Variants in ZDHHC24 observed in about 807,000 individuals in gnomAD.
The protein encoded by ZDHHC24 is zDHHC palmitoyltransferase 24.
In ZDHHC24, 17 loss-of-function variants were observed where a neutral mutation model predicts 23.2. The observed-to-expected ratio is 0.73, with a 90% CI of 0.50 to 1.10. The LOEUF is 1.10. Ranked by LOEUF, ZDHHC24 falls within the 50% of genes least tolerant of loss-of-function variation. The pLI is 0.00. For missense variants in ZDHHC24, 366 were observed against 393.0 expected, an observed-to-expected ratio of 0.93 and a Z score of 0.58; for synonymous variants, 186 against 194.5, an observed-to-expected ratio of 0.96 and a Z score of 0.36.
At chr11:66,525,982 G>C (rs1856471128) in intron 4 of ZDHHC24, 1 of 729,982 alleles carries the variant, frequency 1.4e-6, no homozygotes, top group African/African-American at 1.7e-5. Flanking sequence ...AGAAATATAG[G>C]AAATATTTCA....
At chr11:66,526,254 T>C (rs1856485743) in intron 4 of ZDHHC24, 6 of 1,511,652 alleles carry the variant, frequency 4.0e-6, no homozygotes, top group Non-Finnish European at 5.5e-6. Flanking sequence ...GGCCTGCTTC[T>C]GGGGAAAGAG....
At position 66,536,878 on chromosome 11, in the gene ZDHHC24, A is replaced by G. The variant is rs1402875050; in HGVS notation, c.*2651T>C. ...AACAAGAGTGAAACTCTGTCTCAAAAAATAAAAAGAGAAAGAAAGAAAATA... is the reference window on the plus strand; with the variant it reads ...AACAAGAGTGAAACTCTGTCTCAAAGAATAAAAAGAGAAAGAAAGAAAATA... On this transcript the variant is annotated 3_prime_UTR_variant, in exon 3 of 3. Transcript: ENST00000310442. 1 of 152,056 alleles carries G rather than the reference A, an allele frequency of 6.6e-6. No individual in the cohort carries two copies. Among genetic ancestry groups the G allele is most frequent in the Non-Finnish European group, 1.5e-5 (1 of 68,018 alleles). 9.4% of individuals were successfully genotyped at this position (152,056 alleles called of 1,614,324 possible). A position where few individuals can be genotyped will look rare whatever the true frequency, so the allele number is the denominator to read the frequency against.
In ZDHHC24 at chr11:66,545,610, A is replaced by C; in HGVS notation, c.281+113T>G. 8 of 1,256,202 alleles carry C rather than the reference A, an allele frequency of 6.4e-6. No homozygotes were observed. The highest frequency in any genetic ancestry group is 8.4e-6 in the Non-Finnish European group (8 of 952,518). The allele number at this position is 1,256,202 out of a possible 1,614,324, so 77.8% of individuals were successfully genotyped here. On this transcript the variant is annotated intron_variant, in intron 1 of 2. Coordinates refer to ENST00000310442, the MANE Select transcript of ZDHHC24 (RefSeq NM_207340.3). This position sits in a 1 kb window ranked among gnomAD's most constrained non-coding sequence, Gnocchi z 4.5. ...ATCCCAGGTTCTAAAAAAATGTCTG[A>C]TTCTAACAACCTGGATCCTAATGTA...
At chr11:66,530,801 T>G, downstream of ZDHHC24, 1 of 1,550,088 alleles carries the variant, frequency 6.5e-7, no homozygotes, top group Non-Finnish European at 8.9e-7. Flanking sequence ...GGAGGGGACA[T>G]GAGGGCATTG....
chr11:66,531,998 C>A (rs61890368), downstream of ZDHHC24: 10 of 1,608,078 alleles, frequency 6.2e-6, no homozygotes, highest in Non-Finnish European at 6.8e-6. Flanking sequence ...TGAGTGCCCA[C>A]GTCAACATGC....
chr11:66,532,177 C>T (rs928262271), downstream of ZDHHC24: 2 of 889,634 alleles, frequency 2.2e-6, no homozygotes, highest in African/African-American at 3.3e-5. Context: ...GCTTCCTCAC[C>T]ACCCCCACTG....
chr11:66,529,766 C>T, intron 2 of ZDHHC24: 3 of 1,604,830 alleles, frequency 1.9e-6, no homozygotes, highest in African/African-American at 2.7e-5. Flanking sequence ...GTTGCTGCCT[C>T]CTCCCTGCCA....
At chr11:66,526,845 C>T (rs781066359) in intron 4 of ZDHHC24, 3 of 1,614,068 alleles carry the variant, frequency 1.9e-6, no homozygotes, top group African/African-American at 1.3e-5. Context: ...TCTTCCTCCT[C>T]CACTGCTCCT....
rs755023569 is a variant in ZDHHC24 at position 66,523,564 on chromosome 11, C to T, written c.*22-2098G>A. 3.1e-6 allele frequency: 5 copies of T among 1,614,158 alleles called. No homozygotes were observed. In the Admixed American group the frequency reaches 8.3e-5, roughly 27 times the overall value. On this transcript the variant is annotated intron_variant, in intron 4 of 4. Transcript: ENST00000526986. ...GCAGCACCCAAGACAGCCTGCATGG[C>T]TTCACCCACAAGGTGCAGCCCCCAG...
chr11:66,523,960 C>T, intron 4 of ZDHHC24: 1 of 1,579,476 alleles, frequency 6.3e-7, no homozygotes, highest in South Asian at 1.1e-5. Context: ...GCTGCCTCTT[C>T]CGACCACACA....
intron 2 of ZDHHC24, chr11:66,542,441 A>C (rs1053379196): frequency 2.0e-5 from 3 of 152,896 alleles, no homozygotes; most frequent in African/African-American, 7.2e-5. Context: ...GAAGGTGGAA[A>C]GGTACAGACG....
chr11:66,543,941 C>T lies in ZDHHC24; in HGVS notation c.322G>A (p.Gly108Arg), dbSNP rs201800945. Residue 108 changes from glycine to arginine, a missense_variant, in exon 2 of 3, where the codon GGA (glycine) becomes AGA (arginine). Coordinates refer to ENST00000310442, the MANE Select transcript of ZDHHC24 (RefSeq NM_207340.3). ...CAGACGCGGCAGGCAGAGCAGTGTC[C>T]GCTGCGTGGCGGCACCTGGCTTTGG... The part of the protein sequence containing the change: ...QCQSQVPPRS[G>R]HCSACRVCIL... 4.0e-5 allele frequency: 65 copies of T among 1,613,674 alleles called. 1 individual carries two copies. In the East Asian group the frequency reaches 1.2e-3, roughly 29 times the overall value.
rs552009267 is a variant in ZDHHC24, at chr11:66,538,414, A to T, written c.*1115T>A. The T allele has an allele frequency of 1.3e-5, 2 of 152,010 alleles. No homozygotes were observed. Among genetic ancestry groups the T allele is most frequent in the African/African-American group, 2.4e-5 (1 of 41,382 alleles). The allele number at this position is 152,010 out of a possible 1,614,324, so 9.4% of individuals were successfully genotyped here. A position where few individuals can be genotyped will look rare whatever the true frequency, so the allele number is the denominator to read the frequency against. On this transcript the variant is annotated 3_prime_UTR_variant, in exon 3 of 3. Coordinates refer to ENST00000310442, the MANE Select transcript of ZDHHC24 (RefSeq NM_207340.3). ...CTCCGTCTCAAAAAAGAAAAAAAAA[A>T]AAATCAGCCGGGCATAGTGGCGGGT...
chr11:66,541,692 G>A (rs553065260), intron 2 of ZDHHC24, among the ~76,000 whole-genome samples: 296 of 152,236 alleles, frequency 1.9e-3, no homozygotes, highest in Non-Finnish European at 3.3e-3. Context: ...GAAGGTGAAC[G>A]CACCAAGGTC....
intron 4 of ZDHHC24, chr11:66,526,326 C>CA: frequency 2.2e-6 from 2 of 918,818 alleles, no homozygotes; most frequent in Non-Finnish European, 3.4e-6. Flanking sequence ...ACAGAAGTGT[C>CA]CTTCTGGAGC....
chr11:66,539,922 C>T (rs532259636), intron 2 of ZDHHC24, 98 bp from the exon 3 acceptor site: 3 of 1,236,840 alleles, frequency 2.4e-6, no homozygotes, highest in South Asian at 3.2e-5. Context: ...CATTCCTCCG[C>T]TCAGCAAACC....
chr11:66,523,870 C>T (rs1293014035), intron 4 of ZDHHC24: 2 of 1,613,290 alleles, frequency 1.2e-6, no homozygotes, highest in South Asian at 2.2e-5. Context: ...TGCTCAATGT[C>T]ATCCACACCC....
At chr11:66,540,236 G>A (rs979594313) in intron 2 of ZDHHC24, among the ~76,000 whole-genome samples, 5 of 151,970 alleles carry the variant, frequency 3.3e-5, no homozygotes, top group African/African-American at 9.7e-5. Flanking sequence ...TTGACAACAC[G>A]GTAAAACCCC....
intron 4 of ZDHHC24, chr11:66,524,277 C>T (rs1263955455): frequency 6.8e-6 from 2 of 292,504 alleles, no homozygotes; most frequent in South Asian, 3.0e-5. Context: ...GAGACTCCAT[C>T]TTAAAAAAAA....
Sources: gnomAD v4.1 joint callset for allele counts (sites outside exome capture counted in the v4.1 genomes callset) on GRCh38, gnomAD v4.1.1 for gene constraint, Gnocchi (gnomAD v3.1) non-coding constraint, MANE v1.5 for transcripts, NCBI Gene and HGNC (gene_info 2026-07-23, HGNC 2026-07-21) for gene names.